Variants in HUWE1 observed in about 807,000 individuals in gnomAD.
The protein encoded by HUWE1 is E3 ubiquitin-protein ligase HUWE1.
HUWE1 carries 18 observed loss-of-function variants against 299.4 expected under a neutral mutation model. The observed-to-expected ratio is 0.06, with a 90% CI of 0.04 to 0.09. HUWE1 has a LOEUF of 0.09. Among genes scored for constraint, HUWE1 ranks in the 10% least tolerant of loss-of-function variants. The pLI is 1.00. For missense variants in HUWE1, 1,832 were observed against 3,462.3 expected, an observed-to-expected ratio of 0.53 and a Z score of 11.82; for synonymous variants, 1,317 against 1,286.1, an observed-to-expected ratio of 1.02 and a Z score of -0.51.
intron 7 of HUWE1, among the ~76,000 whole-genome samples, chrX:53,643,274 T>C (rs1569506830): frequency 8.9e-6 from 1 of 112,235 alleles, no homozygotes; most frequent in Non-Finnish European, 1.9e-5. Flanking sequence ...CTCTTAAATT[T>C]ACAGTTTTAG....
rs2065863245 is a variant in HUWE1 at position 53,617,433 on chromosome X, C to T, written c.1686G>A (p.Val562=). Residue 562 remains valine, a synonymous_variant, in exon 20 of 84, where the codon GTG becomes GTA. Coordinates refer to ENST00000262854, the MANE Select transcript of HUWE1 (RefSeq NM_031407.7). ...ATGGTTCTTGAAATACAAACACAGTCACCACTTCAGTAGCTAAAAAAAGAT... is the reference window on the plus strand; with the variant it reads ...ATGGTTCTTGAAATACAAACACAGTTACCACTTCAGTAGCTAAAAAAAGAT... The part of the protein sequence containing the change: ...PSLFLLATEV[V]TVFVFQEPSL... The T allele has an allele frequency of 8.6e-6, 10 of 1,166,115 alleles. No homozygotes were observed. The highest frequency in any genetic ancestry group is 6.0e-5 in the East Asian group (2 of 33,160).
intron 68 of HUWE1, among the ~76,000 whole-genome samples, chrX:53,547,458 G>C (rs1017125688): frequency 9.0e-6 from 1 of 111,644 alleles, no homozygotes; most frequent in East Asian, 2.8e-4. Flanking sequence ...GCAGGGGAGA[G>C]AGAGAAAGAG....
Position 53,589,831 on chromosome X carries a change from G to A in HUWE1, c.4192-15C>T. On this transcript the variant is annotated splice_polypyrimidine_tract_variant and intron_variant, in intron 35 of 83. Transcript: ENST00000262854. ...CAAGCAACTTCCTGGAAGCAGGGAAGGAAGTGTGAATAATACACAGGAGAG... is the reference window on the plus strand; with the variant it reads ...CAAGCAACTTCCTGGAAGCAGGGAAAGAAGTGTGAATAATACACAGGAGAG... 8.4e-7 allele frequency: 1 copy of A among 1,196,358 alleles called. No homozygotes were observed. The highest frequency in any genetic ancestry group is 1.1e-6 in the Non-Finnish European group (1 of 885,433).
chrX:53,648,594 A>G (rs1325968149), intron 4 of HUWE1, among the ~76,000 whole-genome samples: 3 of 107,853 alleles, frequency 2.8e-5, no homozygotes, highest in Admixed American at 9.9e-5. Flanking sequence ...ATAAAGGTAG[A>G]TGCAGACAAA....
chrX:53,553,410 T>C (rs1323656109), intron 61 of HUWE1, among the ~76,000 whole-genome samples: 1 of 106,455 alleles, frequency 9.4e-6, no homozygotes, highest in Non-Finnish European at 1.9e-5. Context: ...CCAAAGTGCT[T>C]GGATTACAGG....
chrX:53,597,017 G>A (rs1350486161), intron 29 of HUWE1, among the ~76,000 whole-genome samples: 1 of 112,058 alleles, frequency 8.9e-6, no homozygotes, highest in Non-Finnish European at 1.9e-5. Context: ...GTTTATGTGG[G>A]TACAGGATTG....
At position 53,547,801 on chromosome X, in the gene HUWE1, G is replaced by A. The variant is rs782396732; in HGVS notation, c.10508C>T (p.Thr3503Ile). The change falls in exon 68 of 84, where the codon ACA (threonine) becomes ATA (isoleucine). Residue 3503 changes from threonine (T) to isoleucine (I), a missense_variant. Transcript: ENST00000262854. The stretch of plus-strand genomic sequence containing the variant: ...GACAGGGGTGGGTGCAGTAGGGGGT[G>A]TGGGCGTGGTGGAGGCGGCAGTGGT... Reference protein sequence around the residue: ...TTTTAASTTPTPPTAPTPVTS... With the variant: ...TTTTAASTTPIPPTAPTPVTS... 1.3e-5 allele frequency: 16 copies of A among 1,197,639 alleles called. No homozygotes were observed. The highest frequency in any genetic ancestry group is 3.0e-5 in the East Asian group (1 of 33,331).
At chrX:53,669,399 T>C (rs1407829621) in intron 3 of HUWE1, among the ~76,000 whole-genome samples, 1 of 112,067 alleles carries the variant, frequency 8.9e-6, no homozygotes, top group Non-Finnish European at 1.9e-5. Flanking sequence ...TGAAAGATGC[T>C]TGCTAGAAAT....
At chrX:53,636,930 TTTC>T (rs1557026900) in intron 7 of HUWE1, among the ~76,000 whole-genome samples, 1 of 112,392 alleles carries the variant, frequency 8.9e-6, no homozygotes, top group African/African-American at 3.2e-5. Context: ...ATGGAATCAA[TTTC>T]TTCTTTCATG....
At chrX:53,596,227 A>G (rs1164237265) in intron 29 of HUWE1, among the ~76,000 whole-genome samples, 1 of 112,055 alleles carries the variant, frequency 8.9e-6, no homozygotes, top group Non-Finnish European at 1.9e-5. Context: ...GTTTTCAACT[A>G]TAGATGCCTA....
chrX:53,534,091 G>A lies in HUWE1; in HGVS notation c.12938C>T (p.Ala4313Val), dbSNP rs1556909276. The change falls in exon 83 of 84, where the codon GCC becomes GTC. Residue 4313 changes from alanine (A) to valine (V), a missense_variant. Transcript: ENST00000262854. ...CTGAATGCCATTCATGCCTTCGAGGGCAGCAAAGCCTTGCAGGGGTACCTT... is the reference window on the plus strand; with the variant it reads ...CTGAATGCCATTCATGCCTTCGAGGACAGCAAAGCCTTGCAGGGGTACCTT... ...TSKVPLQGFA[A>V]LEGMNGIQKF... 8.3e-7 allele frequency: 1 copy of A among 1,210,464 alleles called. No individual in the cohort carries two copies. Among genetic ancestry groups the A allele is most frequent in the East Asian group, 3.0e-5 (1 of 33,849 alleles).
At chrX:53,675,182 G>A (rs965747341) in intron 3 of HUWE1, among the ~76,000 whole-genome samples, 1 of 111,030 alleles carries the variant, frequency 9.0e-6, no homozygotes, top group Non-Finnish European at 1.9e-5. Flanking sequence ...TAAGGGTAGG[G>A]TATAGGGGAG....
intron 19 of HUWE1, among the ~76,000 whole-genome samples, chrX:53,619,590 G>GAAAAAAAAAAAAAAAAA (rs35685121): frequency 1.9e-4 from 8 of 41,138 alleles, no homozygotes; most frequent in East Asian, 8.8e-4. Context: ...AGAAATAGAA[G>GAAAAAAAAAAAAAAAAA]AAAAAAAAAA....
At chrX:53,580,705 G>C (rs1442315724) in intron 43 of HUWE1, 126 bp downstream of exon 43, 1 of 634,398 alleles carries the variant, frequency 1.6e-6, no homozygotes, top group Non-Finnish European at 2.5e-6. Flanking sequence ...CAATCAATTA[G>C]CCAGCAAATG....
chrX:53,670,076 G>A (rs1170347544), intron 3 of HUWE1, among the ~76,000 whole-genome samples: 1 of 111,883 alleles, frequency 8.9e-6, no homozygotes, highest in Admixed American at 9.5e-5. Context: ...ATCCATAAAT[G>A]CATGAAAACA....
Position 53,535,403 on chromosome X carries a change from T to C in HUWE1, c.12630A>G (p.Val4210=). The change falls in exon 81 of 84, where the codon GTA becomes GTG. Residue 4210 remains valine, a synonymous_variant. Coordinates refer to ENST00000262854, the MANE Select transcript of HUWE1 (RefSeq NM_031407.7). ...CCCTACCTGTCATTCTCATCTGGCA[T>C]ACCAGGTGTACATACTCCTTCTTAT... is the stretch of plus-strand genomic sequence containing the variant. ...EENKKEYVHL[V]CQMRMTGAIR... is the part of the protein sequence containing the mutation. 8.4e-7 allele frequency: 1 copy of C among 1,184,165 alleles called. No individual in the cohort carries two copies. The highest frequency in any genetic ancestry group is 1.1e-6 in the Non-Finnish European group (1 of 870,321).
chrX:53,540,609 G>A (rs182157061), intron 74 of HUWE1, among the ~76,000 whole-genome samples: 1 of 112,295 alleles, frequency 8.9e-6, no homozygotes. Flanking sequence ...TTAGAGGCGT[G>A]AGCCACCACG....
intron 19 of HUWE1, among the ~76,000 whole-genome samples, chrX:53,619,400 T>C (rs2065987046): frequency 9.0e-6 from 1 of 110,615 alleles, no homozygotes; most frequent in Non-Finnish European, 1.9e-5. Flanking sequence ...AACCTGTTAT[T>C]TTATCAAGAA....
Position 53,554,070 on chromosome X carries a change from T to C in HUWE1, c.8494+563A>G, listed in dbSNP as rs150004348. Among the ~76,000 whole-genome samples, 434 of 111,295 alleles carry C rather than the reference T, an allele frequency of 3.9e-3. 3 individuals carry two copies. The highest frequency in any genetic ancestry group is 4.7e-3 in the Non-Finnish European group (251 of 53,035). ...GAGCTCTAAGTGTGGGATGACATGC[T>C]TGCCATCCTGGGAACTGTGGAAGGA... On this transcript the variant is annotated intron_variant, in intron 61 of 83. Coordinates refer to ENST00000262854, the MANE Select transcript of HUWE1 (RefSeq NM_031407.7).
Sources: gnomAD v4.1 joint callset for allele counts (sites outside exome capture counted in the v4.1 genomes callset) on GRCh38, gnomAD v4.1.1 for gene constraint, MANE v1.5 for transcripts, NCBI Gene and HGNC (gene_info 2026-07-23, HGNC 2026-07-21) for gene names.